Variants in STX5 observed in about 807,000 individuals in gnomAD.
The protein encoded by STX5 is syntaxin 5.
Under a neutral mutation model 42.9 loss-of-function variants are expected in STX5, and 15 were observed. The ratio of observed to expected loss-of-function variants is 0.35; its 90% CI spans 0.23 to 0.54. The LOEUF (loss-of-function observed/expected upper bound fraction) is 0.54, where lower values mean the gene tolerates loss of function less well. Ranked by LOEUF, STX5 falls within the 20% of genes least tolerant of loss-of-function variation. The pLI is 0.91. For missense variants in STX5, 430 were observed against 455.0 expected, an observed-to-expected ratio of 0.95 and a Z score of 0.50; for synonymous variants, 184 against 173.2, an observed-to-expected ratio of 1.06 and a Z score of -0.49.
At chr11:62,824,366 T>C in intron 9 of STX5, 79 bp from the exon 10 acceptor site, 1 of 1,612,656 alleles carries the variant, frequency 6.2e-7, no homozygotes, top group East Asian at 2.2e-5. Flanking sequence ...CCTCCCAGCT[T>C]GCCATTCTGC....
At chr11:62,830,064 CAAA>C (rs764798047) in intron 2 of STX5, among the ~76,000 whole-genome samples, 19 of 53,268 alleles carry the variant, frequency 3.6e-4, no homozygotes, top group African/African-American at 7.1e-4. Flanking sequence ...AATTCCTTCT[CAAA>C]AAAAAAAAAA....
chr11:62,810,979 G>C (rs1419603573), intron 10 of STX5, among the ~76,000 whole-genome samples: 2 of 151,984 alleles, frequency 1.3e-5, no homozygotes, highest in Admixed American at 6.6e-5. Flanking sequence ...TCCTTACCTC[G>C]AACTTTCTTT....
chr11:62,820,731 C>T lies in STX5; in HGVS notation c.908+3435G>A, dbSNP rs546896689. On this transcript the variant is annotated intron_variant, in intron 10 of 10. Transcript: ENST00000294179. ...TTCACCATGTTAGCCAGGATGGTCT[C>T]GATCTCCTGACCTCATGATCCGCCT... Among the ~76,000 whole-genome samples, 28 of 151,550 alleles carry T rather than the reference C, an allele frequency of 1.8e-4. No individual in the cohort carries two copies. The East Asian group carries it at 4.6e-3, about 25-fold the overall frequency.
chr11:62,820,080 G>A (rs1242470525), intron 10 of STX5, among the ~76,000 whole-genome samples: 1 of 151,436 alleles, frequency 6.6e-6, no homozygotes, highest in Admixed American at 6.6e-5. Flanking sequence ...TTAAAATATG[G>A]GCAGAATCGG....
At chr11:62,831,832 C>T in intron 1 of STX5, 122 bp downstream of exon 1, 1 of 447,114 alleles carries the variant, frequency 2.2e-6, no homozygotes, top group South Asian at 1.6e-5. Flanking sequence ...TCACCCGGAG[C>T]CGGGCCGGCA....
At chr11:62,809,351 T>C (rs1336777689) in intron 10 of STX5, among the ~76,000 whole-genome samples, 2 of 148,770 alleles carry the variant, frequency 1.3e-5, no homozygotes, top group African/African-American at 2.5e-5. Flanking sequence ...CTGGATCATG[T>C]TGGAGAACTG....
chr11:62,823,298 C>A (rs2084760248), intron 10 of STX5, among the ~76,000 whole-genome samples: 1 of 151,210 alleles, frequency 6.6e-6, no homozygotes, highest in African/African-American at 2.4e-5. Context: ...CCTCAGCCTC[C>A]CGAGTAGCTG....
chr11:62,814,260 G>A (rs768442353), intron 10 of STX5, among the ~76,000 whole-genome samples: 3 of 152,100 alleles, frequency 2.0e-5, no homozygotes, highest in Non-Finnish European at 4.4e-5. Context: ...CCACCTCCTG[G>A]GTTCAAGTGA....
intron 2 of STX5, among the ~76,000 whole-genome samples, chr11:62,829,615 T>C (rs2084833717): frequency 6.6e-6 from 1 of 151,316 alleles, no homozygotes; most frequent in Non-Finnish European, 1.5e-5. Flanking sequence ...AAAACAGAAA[T>C]TAGCCAGATG....
intron 5 of STX5, 92 bp from the exon 6 acceptor site, chr11:62,825,631 G>T: frequency 8.6e-7 from 1 of 1,158,946 alleles, no homozygotes; most frequent in Non-Finnish European, 1.3e-6. Context: ...GGAAGGACAA[G>T]GTGGAAGTTA....
intron 10 of STX5, among the ~76,000 whole-genome samples, chr11:62,819,570 T>G (rs1590969141): frequency 6.6e-6 from 1 of 151,856 alleles, no homozygotes; most frequent in Non-Finnish European, 1.5e-5. Flanking sequence ...CAGGCTGGAG[T>G]GCAGTGGCCC....
Position 62,807,585 on chromosome 11 carries a change from C to A in STX5, c.952G>T (p.Ala318Ser). 1 of 1,614,112 alleles carries A rather than the reference C, an allele frequency of 6.2e-7. No homozygotes were observed. Among genetic ancestry groups the A allele is most frequent in the Non-Finnish European group, 8.5e-7 (1 of 1,180,010 alleles). The stretch of plus-strand genomic sequence containing the variant: ...AAGTACTTGAGGATCTCTGAATGGG[C>A]GGCCTCAACGTCCAGCTGGGCTCCT... ...VLGAQLDVEA[A>S]HSEILKYFQS... The change falls in exon 11 of 11, where the codon GCC becomes TCC. Residue 318 changes from alanine (A) to serine (S), a missense_variant. Physicochemically the swap from Ala to Ser is moderately conservative, Grantham distance 99 (BLOSUM62 1). Coordinates refer to ENST00000294179, the MANE Select transcript of STX5 (RefSeq NM_003164.5).
intron 10 of STX5, among the ~76,000 whole-genome samples, chr11:62,818,296 C>T (rs2084698187): frequency 6.7e-6 from 1 of 149,022 alleles, no homozygotes; most frequent in South Asian, 2.1e-4. Context: ...GTGGCTCATG[C>T]CTGTGATCCC....
chr11:62,815,762 C>T (rs998220613), intron 10 of STX5, among the ~76,000 whole-genome samples: 1 of 152,076 alleles, frequency 6.6e-6, no homozygotes, highest in Non-Finnish European at 1.5e-5. Flanking sequence ...GTCTCAAACT[C>T]CTGACCTCAG....
intron 10 of STX5, chr11:62,823,930 G>C (rs958994136): frequency 3.6e-6 from 2 of 560,134 alleles, no homozygotes; most frequent in Admixed American, 6.3e-5. Flanking sequence ...AGCAGCTCCA[G>C]ACAGACTTTA....
chr11:62,807,858 C>A lies in STX5; in HGVS notation c.909-230G>T, dbSNP rs2084570278. 14 of 705,980 alleles carry A rather than the reference C, an allele frequency of 2.0e-5. No individual in the cohort carries two copies. In the South Asian group the frequency reaches 3.3e-4, roughly 17 times the overall value. The allele number at this position is 705,980 out of a possible 1,614,324, so 43.7% of individuals were successfully genotyped here. On this transcript the variant is annotated intron_variant, in intron 10 of 10. Coordinates refer to ENST00000294179, the MANE Select transcript of STX5 (RefSeq NM_003164.5). Reference sequence around the variant, plus strand: ...TCTAAGTTAGTCTAACTTCAAGCTTCATTTTCCTCACCGGCAAAATGAGGA... The same window carrying A: ...TCTAAGTTAGTCTAACTTCAAGCTTAATTTTCCTCACCGGCAAAATGAGGA...
chr11:62,824,934 G>T, intron 8 of STX5, 102 bp downstream of exon 8: 3 of 1,198,454 alleles, frequency 2.5e-6, no homozygotes, highest in South Asian at 1.3e-5. Flanking sequence ...AAAATTCCTT[G>T]ACCTTCCACT....
chr11:62,819,859 A>G (rs944721981), intron 10 of STX5, among the ~76,000 whole-genome samples: 1 of 135,748 alleles, frequency 7.4e-6, no homozygotes, highest in Non-Finnish European at 1.6e-5. Flanking sequence ...ATGCCCAGCT[A>G]TTTTTTTTTT....
intron 2 of STX5, among the ~76,000 whole-genome samples, chr11:62,829,980 G>A (rs1381346411): frequency 4.0e-5 from 6 of 149,406 alleles, no homozygotes; most frequent in African/African-American, 1.2e-4. Context: ...CAGGAGAATC[G>A]CTTGAACCCA....
Sources: allele counts gnomAD v4.1 joint callset (sites outside exome capture counted in the v4.1 genomes callset), GRCh38; gene constraint gnomAD v4.1.1; transcripts MANE v1.5; gene names NCBI Gene and HGNC (gene_info 2026-07-23, HGNC 2026-07-21).